Variants in FAM135B observed in about 807,000 individuals in gnomAD.
FAM135B encodes the protein family with sequence similarity 135 member B, also known as protein FAM135B.
A neutral mutation model predicts 127.7 loss-of-function variants in FAM135B; 43 were observed. The ratio of observed to expected loss-of-function variants is 0.34; its 90% CI spans 0.26 to 0.43. FAM135B has a LOEUF of 0.43. Ranked by LOEUF, FAM135B falls within the 20% of genes least tolerant of loss-of-function variation. The pLI is 1.00. For synonymous variants in FAM135B, 670 were observed against 665.1 expected, an observed-to-expected ratio of 1.01 and a Z score of -0.11; for missense variants, 1,558 against 1,725.6, an observed-to-expected ratio of 0.90 and a Z score of 1.72.
chr8:138,276,939 G>A (rs1486253017), intron 3 of FAM135B, among the ~76,000 whole-genome samples: 1 of 152,208 alleles, frequency 6.6e-6, no homozygotes, highest in East Asian at 1.9e-4. Context: ...ACTGGCCACT[G>A]TAGTCTGGGA....
rs200942043 is a variant in FAM135B, at chr8:138,446,675, C to A, written c.-20+49996G>T. On this transcript the variant is annotated intron_variant, in intron 1 of 19. Coordinates refer to ENST00000395297, the MANE Select transcript of FAM135B (RefSeq NM_015912.4). ...TAATTCAAGATGGATTAAAGACTTA[C>A]ATGTTAGACCTAAAACCATAAAAAC... Among the ~76,000 whole-genome samples, 19 of 151,914 alleles carry A rather than the reference C, an allele frequency of 1.3e-4. No individual in the cohort carries two copies. In the East Asian group the frequency reaches 2.9e-3, roughly 23 times the overall value.
At chr8:138,344,882 A>G (rs1829307605) in intron 2 of FAM135B, among the ~76,000 whole-genome samples, 2 of 151,986 alleles carry the variant, frequency 1.3e-5, no homozygotes, top group African/African-American at 2.4e-5. Flanking sequence ...GCTTCTTGCT[A>G]CACTTTCTAT....
At chr8:138,399,283 G>A (rs948963716) in intron 1 of FAM135B, among the ~76,000 whole-genome samples, 3 of 152,092 alleles carry the variant, frequency 2.0e-5, no homozygotes, top group Admixed American at 6.5e-5. Context: ...CCTATAAGAT[G>A]TGACTTATTG....
At chr8:138,478,278 C>T (rs1281911015) in intron 1 of FAM135B, among the ~76,000 whole-genome samples, 1 of 152,118 alleles carries the variant, frequency 6.6e-6, no homozygotes, top group Non-Finnish European at 1.5e-5. Context: ...CCTGAAAACC[C>T]TGTCTTTTGC....
At chr8:138,435,321 A>C (rs1835403491) in intron 1 of FAM135B, among the ~76,000 whole-genome samples, 1 of 152,028 alleles carries the variant, frequency 6.6e-6, no homozygotes, top group Admixed American at 6.6e-5. Context: ...AAAAAGAAAA[A>C]AAAAGAAGCC....
chr8:138,456,451 G>A (rs1836781903), intron 1 of FAM135B, among the ~76,000 whole-genome samples: 1 of 152,184 alleles, frequency 6.6e-6, no homozygotes, highest in South Asian at 2.1e-4. Flanking sequence ...TACAAGGTTA[G>A]GACAGGGTCT....
At chr8:138,402,952 A>G (rs1310625938) in intron 1 of FAM135B, among the ~76,000 whole-genome samples, 1 of 152,112 alleles carries the variant, frequency 6.6e-6, no homozygotes, top group Non-Finnish European at 1.5e-5. Flanking sequence ...AGAGACATGA[A>G]AGAGATGATC....
intron 2 of FAM135B, among the ~76,000 whole-genome samples, chr8:138,313,418 C>A (rs1290053369): frequency 6.6e-6 from 1 of 152,206 alleles, no homozygotes; most frequent in Non-Finnish European, 1.5e-5. Flanking sequence ...AGGCGTGAGC[C>A]ACCGTGCCTG....
At chr8:138,298,251 G>A (rs918281294) in intron 3 of FAM135B, among the ~76,000 whole-genome samples, 7 of 152,154 alleles carry the variant, frequency 4.6e-5, no homozygotes, top group African/African-American at 1.7e-4. Context: ...AAGAGGAGAT[G>A]CAGACGAAAA....
chr8:138,167,819 T>A (rs1820074799), intron 12 of FAM135B, 76 bp downstream of exon 12: 3 of 1,479,990 alleles, frequency 2.0e-6, no homozygotes, highest in Admixed American at 4.3e-5. Context: ...TGCTGGAATA[T>A]AAACAAACTG....
intron 2 of FAM135B, among the ~76,000 whole-genome samples, chr8:138,311,293 A>G (rs181948275): frequency 6.6e-6 from 1 of 152,352 alleles, no homozygotes; most frequent in East Asian, 1.9e-4. Flanking sequence ...TGGAGAATCC[A>G]TCTATAAATT....
rs145194896 is a variant in FAM135B, at chr8:138,138,435, G to A, written c.3901+551C>T. Among the ~76,000 whole-genome samples the A allele has an allele frequency of 4.2e-3, 636 of 152,322 alleles. 4 individuals carry two copies. The highest frequency in any genetic ancestry group is 0.014 in the African/African-American group (591 of 41,582). ...CAATCAGTCAGCTGCTCCACTCGCC[G>A]ACTGGACATGGGGACCACTCGGCAA... On this transcript the variant is annotated intron_variant, in intron 18 of 19. Transcript: ENST00000395297.
At chr8:138,195,435 C>T (rs759069352) in intron 8 of FAM135B, 128 bp from the exon 9 acceptor site, 93 of 822,514 alleles carry the variant, frequency 1.1e-4, no homozygotes, top group Non-Finnish European at 1.6e-4. Context: ...TTGCTGAGGA[C>T]CTTCTACCTA....
chr8:138,209,577 T>C (rs1311094772), intron 7 of FAM135B, among the ~76,000 whole-genome samples: 1 of 152,130 alleles, frequency 6.6e-6, no homozygotes, highest in Non-Finnish European at 1.5e-5. Context: ...GGTCAGGTCA[T>C]GGAGAGCCAG....
intron 2 of FAM135B, among the ~76,000 whole-genome samples, chr8:138,331,607 A>G (rs780229362): frequency 8.5e-5 from 13 of 152,146 alleles, no homozygotes; most frequent in Non-Finnish European, 1.6e-4. Context: ...TCTTCCAAAG[A>G]TAAGCACAAC....
At chr8:138,142,939 G>T (rs1019490911) in intron 16 of FAM135B, 73 bp downstream of exon 16, 3 of 788,462 alleles carry the variant, frequency 3.8e-6, no homozygotes, top group Admixed American at 1.8e-5. Flanking sequence ...TCATATTATT[G>T]CTTTTATACA....
intron 3 of FAM135B, among the ~76,000 whole-genome samples, chr8:138,308,482 A>C (rs562430985): frequency 4.1e-4 from 62 of 152,332 alleles, no homozygotes; most frequent in Non-Finnish European, 8.4e-4. Flanking sequence ...AATTCTGCAC[A>C]TCCCTCACCT....
chr8:138,323,980 G>A (rs1396571265), intron 2 of FAM135B, among the ~76,000 whole-genome samples: 4 of 152,190 alleles, frequency 2.6e-5, no homozygotes, highest in African/African-American at 7.2e-5. Flanking sequence ...TTCTCCAACA[G>A]GGCTTGGGGC....
chr8:138,138,916 C>T, intron 18 of FAM135B, 70 bp downstream of exon 18: 1 of 963,776 alleles, frequency 1.0e-6, no homozygotes, highest in South Asian at 1.3e-5. Flanking sequence ...AGCATTATAT[C>T]TCATTTGTGT....
Sources: allele counts gnomAD v4.1 joint callset (sites outside exome capture counted in the v4.1 genomes callset), GRCh38; gene constraint gnomAD v4.1.1; transcripts MANE v1.5; gene names NCBI Gene and HGNC (gene_info 2026-07-23, HGNC 2026-07-21).